Variants in SCFD2 observed in about 807,000 individuals in gnomAD.
SCFD2 encodes sec1 family domain containing 2.
A neutral mutation model predicts 58.9 loss-of-function variants in SCFD2; 54 were observed. The ratio of observed to expected loss-of-function variants is 0.92; its 90% CI spans 0.74 to 1.15. The LOEUF is 1.15. Ranked by LOEUF, SCFD2 falls within the 50% of genes most tolerant of loss-of-function variation. The probability of loss-of-function intolerance (pLI) is 0.00; values close to 1 mark genes in which losing one functional copy is unlikely to be tolerated. For missense variants in SCFD2, 805 were observed against 836.6 expected, an observed-to-expected ratio of 0.96 and a Z score of 0.47; for synonymous variants, 321 against 335.9, an observed-to-expected ratio of 0.96 and a Z score of 0.49.
intron 2 of SCFD2, among the ~76,000 whole-genome samples, chr4:53,345,137 G>GAA (rs1329759138): frequency 6.6e-6 from 1 of 152,088 alleles, no homozygotes; most frequent in African/African-American, 2.4e-5. Flanking sequence ...CACAGCAAAA[G>GAA]AAACTACCAC....
At chr4:53,101,597 G>A (rs1269804146) in intron 5 of SCFD2, among the ~76,000 whole-genome samples, 1 of 152,122 alleles carries the variant, frequency 6.6e-6, no homozygotes, top group Admixed American at 6.6e-5. Flanking sequence ...GAACCACTGG[G>A]TGACTTAAAA....
intron 5 of SCFD2, among the ~76,000 whole-genome samples, chr4:53,035,581 C>G (rs1293438068): frequency 6.6e-6 from 1 of 152,112 alleles, no homozygotes; most frequent in African/African-American, 2.4e-5. Context: ...ATCCATCTGA[C>G]AAAGGGCTAA....
In SCFD2 at chr4:53,365,089, G is replaced by A. The variant is rs1734654166; in HGVS notation, c.838+15C>T. The A allele has an allele frequency of 6.2e-7, 1 of 1,609,562 alleles. No individual in the cohort carries two copies. The highest frequency in any genetic ancestry group is 1.3e-5 in the African/African-American group (1 of 74,662). On this transcript the variant is annotated intron_variant, in intron 1 of 8. Coordinates refer to ENST00000401642, the MANE Select transcript of SCFD2 (RefSeq NM_152540.4). This position sits in a 1 kb window ranked among gnomAD's most constrained non-coding sequence, Gnocchi z 4.3. The stretch of plus-strand genomic sequence containing the variant: ...TGGGGAATGGTAATGAAGAACTCCA[G>A]AGCAATGCACTTACCTGTGAGATCC...
intron 3 of SCFD2, among the ~76,000 whole-genome samples, chr4:53,301,420 T>C (rs1292078234): frequency 1.3e-5 from 2 of 151,998 alleles, no homozygotes; most frequent in East Asian, 3.8e-4. Context: ...AATCTCTGAA[T>C]AGACCAATAA....
intron 5 of SCFD2, among the ~76,000 whole-genome samples, chr4:53,093,458 C>T (rs1299661589): frequency 2.0e-5 from 3 of 152,048 alleles, no homozygotes; most frequent in Non-Finnish European, 4.4e-5. Flanking sequence ...ATATATATAA[C>T]TTTTGATCCA....
At chr4:52,974,245 T>C (rs907986442) in intron 5 of SCFD2, among the ~76,000 whole-genome samples, 4 of 152,144 alleles carry the variant, frequency 2.6e-5, no homozygotes, top group East Asian at 1.9e-4. Context: ...TGTTTGCAGA[T>C]GACATGATTG....
intron 6 of SCFD2, among the ~76,000 whole-genome samples, chr4:52,915,563 T>C (rs1719582158): frequency 6.6e-6 from 1 of 152,234 alleles, no homozygotes; most frequent in African/African-American, 2.4e-5. Context: ...GATTTAAAAA[T>C]GGTTCATTTG....
At chr4:53,221,965 T>C (rs959201081) in intron 4 of SCFD2, among the ~76,000 whole-genome samples, 3 of 152,226 alleles carry the variant, frequency 2.0e-5, no homozygotes, top group African/African-American at 7.2e-5. Context: ...ACTCTGTTCC[T>C]TGGTTCCTAA....
intron 4 of SCFD2, among the ~76,000 whole-genome samples, chr4:53,153,460 G>A (rs1187232583): frequency 2.0e-5 from 3 of 152,240 alleles, no homozygotes; most frequent in African/African-American, 4.8e-5. Context: ...GATCCTGGGA[G>A]CAGTGTCCTG....
chr4:53,354,033 G>A (rs982984497), intron 1 of SCFD2, among the ~76,000 whole-genome samples: 50 of 152,252 alleles, frequency 3.3e-4, no homozygotes, highest in African/African-American at 1.1e-3. Context: ...AGTGGATCAC[G>A]CGCCAGGGCT....
At chr4:53,068,260 A>G (rs1394247154) in intron 5 of SCFD2, among the ~76,000 whole-genome samples, 1 of 152,124 alleles carries the variant, frequency 6.6e-6, no homozygotes, top group Non-Finnish European at 1.5e-5. Context: ...CACAGTTTCT[A>G]AAGAGTCTGT....
At chr4:52,893,463 T>C (rs1718926360) in intron 7 of SCFD2, among the ~76,000 whole-genome samples, 1 of 152,236 alleles carries the variant, frequency 6.6e-6, no homozygotes, top group Admixed American at 6.5e-5. Context: ...CAGTCTTTAC[T>C]GACAGCCCAT....
At chr4:52,996,336 C>G (rs1477512765) in intron 5 of SCFD2, among the ~76,000 whole-genome samples, 3 of 152,266 alleles carry the variant, frequency 2.0e-5, no homozygotes, top group Non-Finnish European at 4.4e-5. Context: ...GATAAAAATC[C>G]TCCAGCTGGA....
At chr4:53,304,175 A>G (rs528157106) in intron 3 of SCFD2, among the ~76,000 whole-genome samples, 1 of 152,172 alleles carries the variant, frequency 6.6e-6, no homozygotes, top group African/African-American at 2.4e-5. Context: ...TCTGGCTTGT[A>G]GGGATACTGC....
At chr4:52,888,002 C>T (rs1315880035) in intron 7 of SCFD2, among the ~76,000 whole-genome samples, 1 of 148,534 alleles carries the variant, frequency 6.7e-6, no homozygotes, top group Admixed American at 6.7e-5. Context: ...GCTCCGCTTC[C>T]CGGGTTCACG....
At chr4:53,216,820 G>A (rs1728856361) in intron 4 of SCFD2, among the ~76,000 whole-genome samples, 1 of 152,292 alleles carries the variant, frequency 6.6e-6, no homozygotes, top group Middle Eastern at 3.4e-3. Context: ...TGCTTTGAAT[G>A]TGTCCCAGAG....
At chr4:53,351,297 A>G (rs1185732232) in intron 2 of SCFD2, among the ~76,000 whole-genome samples, 1 of 152,184 alleles carries the variant, frequency 6.6e-6, no homozygotes, top group African/African-American at 2.4e-5. Context: ...TTTGGTTCAC[A>G]TCAACCCCCT....
chr4:53,305,035 C>T (rs115710039), intron 3 of SCFD2, among the ~76,000 whole-genome samples: 36 of 152,144 alleles, frequency 2.4e-4, no homozygotes, highest in Middle Eastern at 3.4e-3. Flanking sequence ...GATGTTGATA[C>T]TATTCCTTTC....
chr4:53,088,082 C>T (rs985029369), intron 5 of SCFD2, among the ~76,000 whole-genome samples: 4 of 152,014 alleles, frequency 2.6e-5, no homozygotes, highest in African/African-American at 9.7e-5. Context: ...GGAAGCAGAA[C>T]GTAAAGATTT....
Sources: allele counts gnomAD v4.1 joint callset (sites outside exome capture counted in the v4.1 genomes callset), GRCh38; gene constraint gnomAD v4.1.1; non-coding constraint Gnocchi (gnomAD v3.1); transcripts MANE v1.5; gene names NCBI Gene and HGNC (gene_info 2026-07-23, HGNC 2026-07-21).